AGBL4: variants seen among roughly 807,000 people sequenced by gnomAD.
AGBL4 encodes the protein cytosolic carboxypeptidase 6.
Under a neutral mutation model 66.4 loss-of-function variants are expected in AGBL4, and 58 were observed. That is an observed-to-expected ratio of 0.87 (90% confidence interval 0.71 to 1.09). The LOEUF (loss-of-function observed/expected upper bound fraction) is 1.09. Among genes scored for constraint, AGBL4 ranks in the 50% least tolerant of loss-of-function variants. AGBL4 has a pLI of 0.00. For missense variants in AGBL4, 579 were observed against 631.0 expected (o/e 0.92, Z 0.88); for synonymous variants, 234 against 222.9 (o/e 1.05, Z -0.44).
intron 5 of AGBL4, among the ~76,000 whole-genome samples, chr1:49,044,037 T>G (rs985918704): frequency 1.3e-5 from 2 of 152,186 alleles, no homozygotes; most frequent in African/African-American, 4.8e-5. Flanking sequence ...ATAAGCCTCT[T>G]TTAGGGGCAC....
intron 3 of AGBL4, among the ~76,000 whole-genome samples, chr1:49,623,236 A>G (rs1368249782): frequency 6.6e-6 from 1 of 152,122 alleles, no homozygotes; most frequent in Non-Finnish European, 1.5e-5. Flanking sequence ...CATACAAATT[A>G]TTGCTGCTTT....
intron 3 of AGBL4, among the ~76,000 whole-genome samples, chr1:49,530,268 A>AAC (rs1651004601): frequency 7.0e-6 from 1 of 142,622 alleles, no homozygotes; most frequent in African/African-American, 2.7e-5. Flanking sequence ...GTAAAAAAAA[A>AAC]AAAACAAAAA....
intron 5 of AGBL4, among the ~76,000 whole-genome samples, chr1:48,985,312 G>T (rs967186547): frequency 2.0e-5 from 3 of 152,094 alleles, no homozygotes; most frequent in African/African-American, 7.2e-5. Flanking sequence ...ACTAAAATTT[G>T]CAGGTCAGAG....
chr1:48,991,502 T>C (rs752543154), intron 5 of AGBL4, among the ~76,000 whole-genome samples: 2 of 152,234 alleles, frequency 1.3e-5, no homozygotes, highest in African/African-American at 2.4e-5. Context: ...TACTTGTACT[T>C]GAATATTGAT....
At chr1:49,008,810 A>C (rs1662102010) in intron 5 of AGBL4, among the ~76,000 whole-genome samples, 1 of 151,422 alleles carries the variant, frequency 6.6e-6, no homozygotes, top group Admixed American at 6.6e-5. Flanking sequence ...GCAGAAATAA[A>C]GATGTTCTTT....
chr1:48,643,238 GC>G (rs1342378099), intron 8 of AGBL4, among the ~76,000 whole-genome samples: 1 of 152,138 alleles, frequency 6.6e-6, no homozygotes, highest in African/African-American at 2.4e-5. Flanking sequence ...ACATGATAGG[GC>G]CTGTGAGCTA....
intron 1 of AGBL4, among the ~76,000 whole-genome samples, chr1:49,897,004 A>C (rs577728891): frequency 1.3e-5 from 2 of 152,094 alleles, no homozygotes; most frequent in Non-Finnish European, 2.9e-5. Context: ...AGCTAGTATC[A>C]AACTTAATTT....
intron 3 of AGBL4, among the ~76,000 whole-genome samples, chr1:49,640,849 C>T (rs1452015675): frequency 6.6e-6 from 1 of 152,090 alleles, no homozygotes; most frequent in East Asian, 1.9e-4. Flanking sequence ...CCAGAACTGC[C>T]TTGTATTTGT....
chr1:48,805,686 C>T (rs983369954), intron 6 of AGBL4, among the ~76,000 whole-genome samples: 8 of 152,154 alleles, frequency 5.3e-5, no homozygotes, highest in African/African-American at 1.2e-4. Flanking sequence ...TTCACCACAA[C>T]GAACCTCAGT....
intron 6 of AGBL4, among the ~76,000 whole-genome samples, chr1:48,679,453 C>T (rs1000422364): frequency 2.0e-5 from 3 of 152,168 alleles, no homozygotes; most frequent in Non-Finnish European, 4.4e-5. Context: ...ACCAGGGCCA[C>T]AGTGGGGGTG....
intron 1 of AGBL4, among the ~76,000 whole-genome samples, chr1:49,960,619 AC>A (rs1657040677): frequency 6.6e-6 from 1 of 152,108 alleles, no homozygotes; most frequent in South Asian, 2.1e-4. Flanking sequence ...TATGCTAATT[AC>A]CCTGATCTAA....
intron 4 of AGBL4, among the ~76,000 whole-genome samples, chr1:49,164,503 A>G (rs1646597569): frequency 2.6e-5 from 4 of 152,092 alleles, no homozygotes; most frequent in Admixed American, 2.6e-4. Flanking sequence ...GTAATCTTAG[A>G]TAGGGTATGA....
intron 3 of AGBL4, chr1:49,469,787 A>G (rs1018070181): frequency 6.6e-6 from 1 of 151,884 alleles, no homozygotes; most frequent in Non-Finnish European, 1.5e-5. Context: ...AAATTTTGCT[A>G]TGTGTTCTCA....
intron 2 of AGBL4, among the ~76,000 whole-genome samples, chr1:49,817,243 T>C (rs889586781): frequency 2.6e-5 from 4 of 152,126 alleles, no homozygotes; most frequent in Non-Finnish European, 5.9e-5. Context: ...AAACAGAAAC[T>C]AAAAACCTTA....
intron 3 of AGBL4, among the ~76,000 whole-genome samples, chr1:49,502,959 G>A (rs1570892809): frequency 6.6e-6 from 1 of 152,076 alleles, no homozygotes; most frequent in East Asian, 1.9e-4. Context: ...CATGAGTAAT[G>A]ATGAGCCAAA....
chr1:48,725,829 T>C (rs1647237018), intron 6 of AGBL4, among the ~76,000 whole-genome samples: 1 of 152,204 alleles, frequency 6.6e-6, no homozygotes, highest in Non-Finnish European at 1.5e-5. Context: ...TCAGCCTAAT[T>C]AGTGTGTGAA....
At chr1:49,653,221 C>A (rs1235256924) in intron 3 of AGBL4, among the ~76,000 whole-genome samples, 1 of 152,060 alleles carries the variant, frequency 6.6e-6, no homozygotes, top group Non-Finnish European at 1.5e-5. Context: ...AACGCAGCAA[C>A]CCTAAGGAAG....
intron 3 of AGBL4, among the ~76,000 whole-genome samples, chr1:49,345,651 G>C (rs767683777): frequency 1.3e-5 from 2 of 152,028 alleles, no homozygotes; most frequent in Non-Finnish European, 2.9e-5. Flanking sequence ...TTGTTTTTCA[G>C]TCAAGAAAAC....
At chr1:49,135,757 T>C (rs1645998620) in intron 4 of AGBL4, among the ~76,000 whole-genome samples, 1 of 152,144 alleles carries the variant, frequency 6.6e-6, no homozygotes, top group African/African-American at 2.4e-5. Flanking sequence ...TTCCTTGCCC[T>C]CATTCCTGTA....
Sources: gnomAD v4.1 joint callset for allele counts (sites outside exome capture counted in the v4.1 genomes callset) on GRCh38, gnomAD v4.1.1 for gene constraint, MANE v1.5 for transcripts, NCBI Gene and HGNC (gene_info 2026-07-23, HGNC 2026-07-21) for gene names.